Variants in XPNPEP1 observed in about 807,000 individuals in gnomAD.
XPNPEP1 encodes X-prolyl aminopeptidase 1.
Under a neutral mutation model 92.4 loss-of-function variants are expected in XPNPEP1, and 39 were observed. That is an observed-to-expected ratio of 0.42 (90% CI 0.33 to 0.55). XPNPEP1 has a LOEUF of 0.55. Ranked by LOEUF, XPNPEP1 falls within the 20% of genes least tolerant of loss-of-function variation. The pLI, the probability that XPNPEP1 is intolerant of heterozygous loss-of-function variation, is 0.08. For missense variants in XPNPEP1, 654 were observed against 856.1 expected, an observed-to-expected ratio of 0.76 and a Z score of 2.95; for synonymous variants, 307 against 299.4, an observed-to-expected ratio of 1.03 and a Z score of -0.26.
intron 1 of XPNPEP1, among the ~76,000 whole-genome samples, chr10:109,916,104 T>C (rs937856270): frequency 8.5e-5 from 13 of 152,116 alleles, no homozygotes; most frequent in Non-Finnish European, 1.9e-4. Context: ...AATAAGAACG[T>C]GTTTTGTGAA....
At chr10:109,881,643 T>C (rs1848105138) in intron 10 of XPNPEP1, among the ~76,000 whole-genome samples, 1 of 152,180 alleles carries the variant, frequency 6.6e-6, no homozygotes, top group Non-Finnish European at 1.5e-5. Context: ...AGGCCTGGAT[T>C]CTTCCCAGGA....
At chr10:109,908,737 T>C (rs1215512909) in intron 2 of XPNPEP1, among the ~76,000 whole-genome samples, 1 of 152,258 alleles carries the variant, frequency 6.6e-6, no homozygotes, top group Non-Finnish European at 1.5e-5. Flanking sequence ...TGGTTACCTT[T>C]GGGTAAGTAA....
chr10:109,874,354 C>T (rs748032204), intron 15 of XPNPEP1, among the ~76,000 whole-genome samples: 11 of 152,178 alleles, frequency 7.2e-5, no homozygotes, highest in Non-Finnish European at 1.6e-4. Context: ...CCCAACTTCT[C>T]CTGTTAGAAC....
intron 8 of XPNPEP1, chr10:109,884,427 C>A: frequency 2.8e-6 from 1 of 361,366 alleles, no homozygotes; most frequent in Non-Finnish European, 5.0e-6. Context: ...GAGAACTGCC[C>A]CCACAAGGAG....
intron 3 of XPNPEP1, among the ~76,000 whole-genome samples, chr10:109,898,104 CTTTCA>C (rs1337031612): frequency 1.3e-5 from 2 of 152,234 alleles, no homozygotes; most frequent in East Asian, 3.8e-4. Context: ...CTTACCTCTA[CTTTCA>C]TCAGCCACAG....
chr10:109,888,229 C>T (rs774129050), intron 6 of XPNPEP1, 37 bp from the exon 7 acceptor site: 8 of 1,599,402 alleles, frequency 5.0e-6, no homozygotes, highest in Non-Finnish European at 5.9e-6. Context: ...ATGAGCCGAA[C>T]GCCCATTGCA....
At chr10:109,906,405 A>G (rs961297428) in intron 3 of XPNPEP1, among the ~76,000 whole-genome samples, 2 of 152,196 alleles carry the variant, frequency 1.3e-5, no homozygotes, top group Non-Finnish European at 2.9e-5. Flanking sequence ...GCTGAAAAAG[A>G]GAAACTGATA....
In XPNPEP1 at chr10:109,865,201, T is replaced by C; in HGVS notation, c.1984A>G (p.Ile662Val). 6.2e-7 allele frequency: 1 copy of C among 1,614,182 alleles called. No individual in the cohort carries two copies. Among genetic ancestry groups the C allele is most frequent in the Non-Finnish European group, 8.5e-7 (1 of 1,180,018 alleles). Residue 662 changes from isoleucine to valine, a missense_variant, in exon 21 of 21, where the codon ATC becomes GTC. By Grantham distance (29) the Ile-to-Val change is conservative. Transcript: ENST00000502935. ...LEWLIRETQP[I>V]SKQH ...GGTATTTATTAATGCTGTTTGGAGA[T>C]GGGTTGCGTCTCTCTGATGAGCCAC... is the stretch of plus-strand genomic sequence containing the variant.
intron 1 of XPNPEP1, among the ~76,000 whole-genome samples, chr10:109,919,053 A>G (rs2133582547): frequency 6.6e-6 from 1 of 152,364 alleles, no homozygotes; most frequent in South Asian, 2.1e-4. Context: ...TTATAGCGCA[A>G]CCATAAGTCT....
At chr10:109,873,458 G>T (rs139130330) in intron 15 of XPNPEP1, 31 bp from the exon 16 acceptor site, 1 of 1,613,898 alleles carries the variant, frequency 6.2e-7, no homozygotes, top group African/African-American at 1.3e-5. Flanking sequence ...TTGGTTTCCC[G>T]TCAAAATAAG....
intron 14 of XPNPEP1, chr10:109,877,582 C>A: frequency 1.6e-6 from 1 of 617,508 alleles, no homozygotes; most frequent in South Asian, 2.0e-5. Context: ...CAGTGCCATA[C>A]TGAGCCTAAG....
chr10:109,875,453 C>T (rs1030401173), intron 15 of XPNPEP1, 75 bp downstream of exon 15: 2 of 1,396,850 alleles, frequency 1.4e-6, no homozygotes, highest in South Asian at 1.2e-5. Flanking sequence ...GTGCTCTCAG[C>T]TGGAGCTCAG....
intron 3 of XPNPEP1, among the ~76,000 whole-genome samples, chr10:109,898,059 TC>T (rs1431058573): frequency 4.6e-5 from 7 of 152,182 alleles, no homozygotes; most frequent in Non-Finnish European, 1.0e-4. Context: ...GATTATAAAT[TC>T]TGAGGGAACA....
intron 2 of XPNPEP1, among the ~76,000 whole-genome samples, chr10:109,911,103 G>A (rs1320962446): frequency 1.3e-5 from 2 of 152,198 alleles, no homozygotes; most frequent in Non-Finnish European, 2.9e-5. Context: ...TAGAAAAAGT[G>A]CCCCACTTAT....
chr10:109,873,550 A>C, intron 15 of XPNPEP1, 123 bp from the exon 16 acceptor site: 1 of 1,157,784 alleles, frequency 8.6e-7, no homozygotes, highest in Non-Finnish European at 1.3e-6. Flanking sequence ...AAAATAGCAC[A>C]GCCATCTTTG....
At chr10:109,884,295 C>T in intron 8 of XPNPEP1, 147 bp from the exon 9 acceptor site, 1 of 696,122 alleles carries the variant, frequency 1.4e-6, no homozygotes, top group Non-Finnish European at 2.4e-6. Context: ...AGCCTGACTC[C>T]CGTCTGGTTC....
intron 12 of XPNPEP1, among the ~76,000 whole-genome samples, 194 bp downstream of exon 12, chr10:109,879,994 T>A (rs1431921380): frequency 6.6e-6 from 1 of 152,192 alleles, no homozygotes; most frequent in Non-Finnish European, 1.5e-5. Context: ...CTTGTTACTA[T>A]TTTCATAATT....
At chr10:109,909,793 T>C (rs1564789804) in intron 2 of XPNPEP1, among the ~76,000 whole-genome samples, 1 of 152,188 alleles carries the variant, frequency 6.6e-6, no homozygotes, top group Non-Finnish European at 1.5e-5. Context: ...TTTAATAGAC[T>C]TCATTTTTTA....
intron 3 of XPNPEP1, among the ~76,000 whole-genome samples, chr10:109,897,951 G>C (rs1056115776): frequency 1.3e-5 from 2 of 152,040 alleles, no homozygotes; most frequent in Non-Finnish European, 2.9e-5. Flanking sequence ...ACTGCACCCA[G>C]CCTCAGGTCT....
Sources: gnomAD v4.1 joint callset for allele counts (sites outside exome capture counted in the v4.1 genomes callset) on GRCh38, gnomAD v4.1.1 for gene constraint, MANE v1.5 for transcripts, NCBI Gene and HGNC (gene_info 2026-07-23, HGNC 2026-07-21) for gene names.